KAZN: variants seen among roughly 807,000 people sequenced by gnomAD.
The protein encoded by KAZN is kazrin, periplakin interacting protein.
Under a neutral mutation model 87.4 loss-of-function variants are expected in KAZN, and 40 were observed. The observed-to-expected ratio is 0.46, with a 90% CI of 0.36 to 0.60. KAZN has a LOEUF of 0.60. KAZN is among the 20% of genes least tolerant of loss of function. The pLI, the probability that KAZN is intolerant of heterozygous loss-of-function variation, is 0.00. For synonymous variants in KAZN, 466 were observed against 458.3 expected (o/e 1.02, Z -0.22); for missense variants, 898 against 1,073.9 (o/e 0.84, Z 2.29).
chr1:13,934,984 C>T (rs1193380301), intron 1 of KAZN, among the ~76,000 whole-genome samples: 1 of 152,058 alleles, frequency 6.6e-6, no homozygotes, highest in East Asian at 1.9e-4. Context: ...CGCCTGTAAT[C>T]CCAGCACCTT....
At chr1:14,383,128 T>C (rs1446825163) in intron 2 of KAZN, among the ~76,000 whole-genome samples, 1 of 152,316 alleles carries the variant, frequency 6.6e-6, no homozygotes, top group Middle Eastern at 3.4e-3. Context: ...TTTTGAGAAG[T>C]GTCTGTTCAT....
At chr1:14,634,164 T>G (rs952461222) in intron 1 of KAZN, among the ~76,000 whole-genome samples, 2 of 152,172 alleles carry the variant, frequency 1.3e-5, no homozygotes, top group Non-Finnish European at 2.9e-5. Context: ...TATAAGGCAA[T>G]GGATGCCGTT....
At chr1:14,921,008 C>T (rs1447575045) in intron 1 of KAZN, among the ~76,000 whole-genome samples, 1 of 152,068 alleles carries the variant, frequency 6.6e-6, no homozygotes, top group Admixed American at 6.5e-5. Context: ...GCCACCGTGG[C>T]CACAGACTTG....
intron 2 of KAZN, among the ~76,000 whole-genome samples, chr1:14,300,387 A>G (rs761334042): frequency 6.6e-6 from 1 of 151,980 alleles, no homozygotes; most frequent in African/African-American, 2.4e-5. Context: ...GCTCACTACC[A>G]TGCCCTGCTA....
At chr1:14,764,384 A>ACCCCCCCCCCCCCC (rs1408862725) in intron 1 of KAZN, among the ~76,000 whole-genome samples, 2 of 105,154 alleles carry the variant, frequency 1.9e-5, no homozygotes, top group Non-Finnish European at 3.9e-5. Flanking sequence ...CCCCTCCCCC[A>ACCCCCCCCCCCCCC]CACCCCCCCC....
intron 2 of KAZN, among the ~76,000 whole-genome samples, chr1:14,314,023 A>G (rs946108174): frequency 6.6e-6 from 1 of 152,192 alleles, no homozygotes; most frequent in Admixed American, 6.5e-5. Context: ...CTGGGAAGTT[A>G]GTCCCAGAAA....
At chr1:14,201,317 G>A (rs1229727128) in intron 2 of KAZN, among the ~76,000 whole-genome samples, 1 of 152,130 alleles carries the variant, frequency 6.6e-6, no homozygotes, top group Non-Finnish European at 1.5e-5. Flanking sequence ...AGCACATGAG[G>A]TGTTTATCAG....
intron 1 of KAZN, among the ~76,000 whole-genome samples, chr1:14,846,833 G>A (rs1648830029): frequency 6.6e-6 from 1 of 152,110 alleles, no homozygotes; most frequent in Admixed American, 6.5e-5. Flanking sequence ...TCTTATATAG[G>A]AAGGTGACTG....
chr1:14,766,670 CCT>C (rs1307944846), intron 1 of KAZN, among the ~76,000 whole-genome samples: 1 of 148,530 alleles, frequency 6.7e-6, no homozygotes, highest in African/African-American at 2.5e-5. Flanking sequence ...CAGTCCTCCC[CCT>C]GTTGGAGCTC....
intron 1 of KAZN, among the ~76,000 whole-genome samples, chr1:13,956,525 G>C (rs1430685167): frequency 1.3e-5 from 2 of 151,734 alleles, no homozygotes; most frequent in Non-Finnish European, 2.9e-5. Context: ...TATTTCTTAG[G>C]AAGTATTCTG....
intron 2 of KAZN, among the ~76,000 whole-genome samples, chr1:14,313,815 G>A (rs1010351092): frequency 6.6e-6 from 1 of 151,798 alleles, no homozygotes. Flanking sequence ...ATATAAAATC[G>A]GCCACATGGG....
In KAZN at chr1:15,117,274, A is replaced by G. The variant is rs10754880; in HGVS notation, c.*2639A>G. ...AGTGTGGTCTTGGTCCCTGCAGGGC[A>G]ATGTGGGCATCTGGACCTGGGGACG... On this transcript the variant is annotated 3_prime_UTR_variant, in exon 15 of 15. Coordinates refer to ENST00000376030, the MANE Select transcript of KAZN (RefSeq NM_201628.3). 0.95 allele frequency: 145,146 copies of G among 152,416 alleles called. 69,155 individuals carry two copies. The highest frequency in any genetic ancestry group is 0.99 in the South Asian group (4,790 of 4,824). The allele number at this position is 152,416 out of a possible 1,614,324, so 9.4% of individuals were successfully genotyped here.
intron 1 of KAZN, among the ~76,000 whole-genome samples, chr1:14,632,364 CCTT>C (rs1572092696): frequency 2.0e-5 from 3 of 152,230 alleles, no homozygotes; most frequent in Admixed American, 1.3e-4. Flanking sequence ...AGAGAAGAAT[CCTT>C]CTGCTGTGGA....
intron 1 of KAZN, among the ~76,000 whole-genome samples, chr1:14,776,337 A>T (rs1645175231): frequency 6.6e-6 from 1 of 152,120 alleles, no homozygotes; most frequent in African/African-American, 2.4e-5. Flanking sequence ...GGGCCAAGGA[A>T]TAGTAACGCA....
chr1:14,504,845 A>T (rs549971049), intron 2 of KAZN, among the ~76,000 whole-genome samples: 1 of 152,344 alleles, frequency 6.6e-6, no homozygotes, highest in East Asian at 1.9e-4. Context: ...AACAAATTAA[A>T]GGTTTTAAGT....
chr1:14,989,914 A>G (rs1043091427), intron 2 of KAZN, among the ~76,000 whole-genome samples: 16 of 152,170 alleles, frequency 1.1e-4, no homozygotes, highest in Admixed American at 6.5e-5. Context: ...TTTGCATTGG[A>G]GCAGAGGAGA....
chr1:14,867,089 G>A (rs2807545), intron 1 of KAZN, among the ~76,000 whole-genome samples: 110,822 of 152,190 alleles, frequency 0.73, 40,680 homozygotes, highest in East Asian at 0.97. Context: ...TCCCAAGTTC[G>A]GGCTCGTTTT....
chr1:13,930,289 G>A (rs1640457894), intron 1 of KAZN, among the ~76,000 whole-genome samples: 3 of 152,144 alleles, frequency 2.0e-5, no homozygotes, highest in South Asian at 4.1e-4. Context: ...GACAAGCCCC[G>A]GGGAAGCTGC....
At chr1:14,414,089 C>A (rs939344610) in intron 2 of KAZN, among the ~76,000 whole-genome samples, 13 of 152,116 alleles carry the variant, frequency 8.5e-5, no homozygotes, top group Admixed American at 2.6e-4. Flanking sequence ...ATGCTTTGCA[C>A]TAGATGGGCA....
Sources: allele counts gnomAD v4.1 joint callset (sites outside exome capture counted in the v4.1 genomes callset), GRCh38; gene constraint gnomAD v4.1.1; transcripts MANE v1.5; gene names NCBI Gene and HGNC (gene_info 2026-07-23, HGNC 2026-07-21).